Variants in TOP2B observed in about 807,000 individuals in gnomAD.
TOP2B encodes the protein DNA topoisomerase 2-beta.
Under a neutral mutation model 193.5 loss-of-function variants are expected in TOP2B, and 51 were observed. The observed-to-expected ratio is 0.26, with a 90% CI of 0.21 to 0.33. TOP2B has a LOEUF of 0.33. Among genes scored for constraint, TOP2B ranks in the 10% least tolerant of loss-of-function variants. The pLI is 1.00. For synonymous variants in TOP2B, 634 were observed against 635.7 expected (o/e 1.00, Z 0.04); for missense variants, 1,378 against 1,909.3 (o/e 0.72, Z 5.19).
At chr3:25,605,477 G>A (rs553393502) in intron 32 of TOP2B, among the ~76,000 whole-genome samples, 5 of 152,040 alleles carry the variant, frequency 3.3e-5, no homozygotes, top group South Asian at 2.1e-4. Flanking sequence ...AAATGAGTAC[G>A]TATACATATA....
intron 21 of TOP2B, among the ~76,000 whole-genome samples, chr3:25,621,400 C>T (rs1559497578): frequency 1.3e-5 from 2 of 152,114 alleles, no homozygotes; most frequent in African/African-American, 2.4e-5. Context: ...TCCACTTTGT[C>T]ACCCAGGCTG....
At chr3:25,647,236 C>T (rs1173496823) in intron 1 of TOP2B, among the ~76,000 whole-genome samples, 1 of 152,056 alleles carries the variant, frequency 6.6e-6, no homozygotes, top group African/African-American at 2.4e-5. Flanking sequence ...AAGGGCCAGG[C>T]GCAGTGACGT....
chr3:25,654,222 T>C (rs185438498), intron 1 of TOP2B, among the ~76,000 whole-genome samples: 17 of 152,272 alleles, frequency 1.1e-4, no homozygotes, highest in Admixed American at 2.0e-4. Context: ...ACAGAAAAAC[T>C]ATTACAACTA....
rs763932948 is a variant in TOP2B, at chr3:25,632,506, C to T, written c.1206G>A (p.Met402Ile). ...ACCCAAAACTTTTGGGCTGCAGAGT[C>T]ATGTTTTCCTTAGTCTGAGAATCAA... ...PTFDSQTKEN[M>I]TLQPKSFGSK... The change falls in exon 10 of 36, where the codon ATG (methionine) becomes ATA (isoleucine). Residue 402 changes from methionine (M) to isoleucine (I), a missense_variant. By Grantham distance (10) the Met-to-Ile change is conservative. Around this residue, in one of 9 missense-constraint regions of TOP2B, gnomAD observed 222 missense variants for 306.6 expected, o/e 0.72. Transcript: ENST00000264331. 1 of 1,586,786 alleles carries T rather than the reference C, an allele frequency of 6.3e-7. No homozygotes were observed. Among genetic ancestry groups the T allele is most frequent in the South Asian group, 1.2e-5 (1 of 86,000 alleles).
At position 25,609,173 on chromosome 3, in the gene TOP2B, G is replaced by A; in HGVS notation, c.4093+10C>T. ...TATAATATACAGTAATATTAAATGT[G>A]TTACAATACCTGCTGCTCTCCTAAG... On this transcript the variant is annotated intron_variant, in intron 30 of 35. Coordinates refer to ENST00000264331, the MANE Select transcript of TOP2B (RefSeq NM_001330700.2). 6.3e-7 allele frequency: 1 copy of A among 1,598,556 alleles called. No individual in the cohort carries two copies. Among genetic ancestry groups the A allele is most frequent in the Non-Finnish European group, 8.5e-7 (1 of 1,171,462 alleles).
intron 1 of TOP2B, among the ~76,000 whole-genome samples, chr3:25,659,957 T>A (rs746015209): frequency 6.6e-6 from 1 of 152,208 alleles, no homozygotes; most frequent in African/African-American, 2.4e-5. Flanking sequence ...GGAATAACTA[T>A]AGCTACTTCA....
chr3:25,602,194 G>A (rs965496494), intron 33 of TOP2B, among the ~76,000 whole-genome samples: 12 of 152,002 alleles, frequency 7.9e-5, no homozygotes, highest in Non-Finnish European at 1.3e-4. Flanking sequence ...TCAGGAGTTC[G>A]AGACCAGCCT....
chr3:25,644,833 C>T (rs1471972541), intron 2 of TOP2B, among the ~76,000 whole-genome samples: 2 of 151,762 alleles, frequency 1.3e-5, no homozygotes, highest in South Asian at 2.1e-4. Context: ...CTCGCCCTGT[C>T]GCCCAGGCTG....
chr3:25,660,816 T>C (rs1010217780), intron 1 of TOP2B, among the ~76,000 whole-genome samples: 1 of 152,208 alleles, frequency 6.6e-6, no homozygotes. Context: ...AAATATGTTA[T>C]ATATTTCAAA....
At position 25,647,601 on chromosome 3, in the gene TOP2B, G is replaced by T. The variant is rs1703445449; in HGVS notation, c.70-2131C>A. Among the ~76,000 whole-genome samples the T allele has an allele frequency of 2.7e-5, 4 of 145,944 alleles. No individual in the cohort carries two copies. The South Asian group carries it at 8.8e-4, about 32-fold the overall frequency. ...TTTGTATGAACTAAACTGAACTAAA[G>T]GGCACACAGGGATAAAAAAAAAAAA... is the stretch of plus-strand genomic sequence containing the variant. On this transcript the variant is annotated intron_variant, in intron 1 of 35. Transcript: ENST00000264331.
Position 25,598,194 on chromosome 3 carries a change from CCGTCAATT to C in TOP2B, c.*105_*112del. On this transcript the variant is annotated 3_prime_UTR_variant, in exon 36 of 36. Transcript: ENST00000264331. The stretch of plus-strand genomic sequence containing the variant: ...AAAGGCCTACCACAATAATAAAAAA[CCGTCAATT>C]ACATCATCACATTAAAATAAGCCAG... The C allele has an allele frequency of 8.8e-7, 1 of 1,139,846 alleles. No individual in the cohort carries two copies. Among genetic ancestry groups the C allele is most frequent in the South Asian group, 1.7e-5 (1 of 58,928 alleles). 70.6% of individuals were successfully genotyped at this position (1,139,846 alleles called of 1,614,324 possible).
intron 8 of TOP2B, among the ~76,000 whole-genome samples, chr3:25,633,020 T>C (rs575913276): frequency 6.6e-6 from 1 of 152,240 alleles, no homozygotes; most frequent in South Asian, 2.1e-4. Flanking sequence ...CTAACACCAA[T>C]TCTCAGGTGC....
intron 25 of TOP2B, 91 bp downstream of exon 25, chr3:25,618,327 A>G: frequency 1.2e-6 from 1 of 855,394 alleles, no homozygotes; most frequent in Non-Finnish European, 1.9e-6. Context: ...CTTTAGTAGT[A>G]CTAAATTTAA....
intron 1 of TOP2B, among the ~76,000 whole-genome samples, chr3:25,652,115 T>C (rs1001987368): frequency 6.6e-6 from 1 of 152,218 alleles, no homozygotes; most frequent in African/African-American, 2.4e-5. Flanking sequence ...GGACATTATA[T>C]GATAAAAGGG....
At chr3:25,616,877 C>A (rs1398280798) in intron 25 of TOP2B, among the ~76,000 whole-genome samples, 1 of 151,246 alleles carries the variant, frequency 6.6e-6, no homozygotes, top group Non-Finnish European at 1.5e-5. Flanking sequence ...AGAACACTTC[C>A]AGAAATTAAA....
chr3:25,602,429 C>A (rs1293925041), intron 33 of TOP2B, among the ~76,000 whole-genome samples: 7 of 118,184 alleles, frequency 5.9e-5, no homozygotes, highest in African/African-American at 1.5e-4. Flanking sequence ...AAAAAAAAAA[C>A]TGATAAATCA....
At chr3:25,647,743 A>G (rs942506066) in intron 1 of TOP2B, among the ~76,000 whole-genome samples, 2 of 152,014 alleles carry the variant, frequency 1.3e-5, no homozygotes, top group Non-Finnish European at 2.9e-5. Context: ...GATATATTAC[A>G]AAAAAAAGTT....
intron 21 of TOP2B, among the ~76,000 whole-genome samples, chr3:25,621,498 G>A (rs1559497613): frequency 6.6e-6 from 1 of 151,918 alleles, no homozygotes; most frequent in African/African-American, 2.4e-5. Flanking sequence ...AGTAGCTGGG[G>A]TTACAGATGC....
At chr3:25,630,494 T>C in intron 11 of TOP2B, 25 bp from the exon 12 acceptor site, 2 of 1,492,898 alleles carry the variant, frequency 1.3e-6, no homozygotes, top group Non-Finnish European at 1.8e-6. Context: ...AAATTATACA[T>C]AGTAAAAATT....
Sources: gnomAD v4.1 joint callset for allele counts (sites outside exome capture counted in the v4.1 genomes callset) on GRCh38, gnomAD v4.1.1 for gene constraint, gnomAD v4.1.1 regional missense constraint, MANE v1.5 for transcripts, NCBI Gene and HGNC (gene_info 2026-07-23, HGNC 2026-07-21) for gene names.